SNX10: variants seen among roughly 807,000 people sequenced by gnomAD.
The protein encoded by SNX10 is sorting nexin-10.
In SNX10, 25 loss-of-function variants were observed where a neutral mutation model predicts 28.5. The observed-to-expected ratio is 0.88, with a 90% CI of 0.64 to 1.22. SNX10 has a LOEUF of 1.22. Among genes scored for constraint, SNX10 ranks in the 50% most tolerant of loss-of-function variants. The pLI is 0.00. For missense variants in SNX10, 223 were observed against 242.6 expected (o/e 0.92, Z 0.54); for synonymous variants, 62 against 81.4 (o/e 0.76, Z 1.28).
chr7:26,298,395 T>C (rs2127992728), intron 1 of SNX10, among the ~76,000 whole-genome samples: 1 of 152,320 alleles, frequency 6.6e-6, no homozygotes, highest in South Asian at 2.1e-4. Context: ...ATCAGATAAG[T>C]GTGGATTAAA....
At chr7:26,354,260 T>A (rs1209089210) in intron 2 of SNX10, 1 of 152,260 alleles carries the variant, frequency 6.6e-6, no homozygotes, top group East Asian at 1.9e-4. Context: ...TTCTACGTGC[T>A]TGTTTGCCAT....
At chr7:26,314,001 G>A (rs1039474786) in intron 1 of SNX10, among the ~76,000 whole-genome samples, 10 of 151,914 alleles carry the variant, frequency 6.6e-5, no homozygotes, top group African/African-American at 2.4e-4. Context: ...TAGAGACGGG[G>A]TTTCCCCATG....
At chr7:26,362,690 C>T (rs566354329) in intron 3 of SNX10, among the ~76,000 whole-genome samples, 3 of 152,178 alleles carry the variant, frequency 2.0e-5, no homozygotes, top group Non-Finnish European at 2.9e-5. Context: ...GTTGGCTTCT[C>T]TTAGTTGTTA....
At chr7:26,307,861 ACAGTCTGTAGTTTACCTTCAT>A in intron 1 of SNX10, among the ~76,000 whole-genome samples, 1 of 152,208 alleles carries the variant, frequency 6.6e-6, no homozygotes, top group South Asian at 2.1e-4. Context: ...CCCAAAGTGG[ACAGTCTGTAGTTTACCTTCAT>A]CAGTCTTTTG....
chr7:26,306,641 T>C (rs1436785838), intron 1 of SNX10, among the ~76,000 whole-genome samples: 1 of 152,080 alleles, frequency 6.6e-6, no homozygotes, highest in African/African-American at 2.4e-5. Context: ...GCTCAAGTGA[T>C]CCACCCGCCT....
intron 1 of SNX10, among the ~76,000 whole-genome samples, chr7:26,317,659 C>CT (rs11310428): frequency 0.017 from 1,798 of 106,184 alleles, 30 homozygotes; most frequent in Non-Finnish European, 0.02. Flanking sequence ...CTTCTTTGAT[C>CT]TTTTTTTTTT....
intron 1 of SNX10, among the ~76,000 whole-genome samples, chr7:26,307,080 G>A (rs191530288): frequency 1.3e-5 from 2 of 152,284 alleles, no homozygotes; most frequent in East Asian, 3.9e-4. Context: ...CATGACAGAG[G>A]CACCGTGAAG....
At chr7:26,357,350 A>C (rs1788868416) in intron 2 of SNX10, among the ~76,000 whole-genome samples, 1 of 137,870 alleles carries the variant, frequency 7.3e-6, no homozygotes, top group South Asian at 2.3e-4. Flanking sequence ...AAAAAAAGGC[A>C]GTAGGGTGGC....
At chr7:26,354,919 AT>A (rs548464262) in intron 2 of SNX10, among the ~76,000 whole-genome samples, 44 of 145,198 alleles carry the variant, frequency 3.0e-4, no homozygotes, top group African/African-American at 7.1e-4. Context: ...ATTTTCTTTG[AT>A]TTTTTTTTTT....
At position 26,348,550 on chromosome 7, in the gene SNX10, G is replaced by A. The variant is rs80164373; in HGVS notation, c.24+2084G>A. ...GGGTCCAAGGACAGAGCTTCTGGTC[G>A]TCCTCCCAAAGGAGCCATGGGCGGA... is the stretch of plus-strand genomic sequence containing the variant. On this transcript the variant is annotated intron_variant, in intron 2 of 6. Coordinates refer to ENST00000338523, the MANE Select transcript of SNX10 (RefSeq NM_013322.3). Among the ~76,000 whole-genome samples, 324 of 152,338 alleles carry A rather than the reference G, an allele frequency of 2.1e-3. 2 individuals are homozygous for A. The highest frequency in any genetic ancestry group is 7.2e-3 in the African/African-American group (298 of 41,578).
At chr7:26,335,119 A>C (rs1787875794) in intron 1 of SNX10, among the ~76,000 whole-genome samples, 1 of 152,360 alleles carries the variant, frequency 6.6e-6, no homozygotes, top group African/African-American at 2.4e-5. Context: ...CTGGACACGG[A>C]AGCCACTGGG....
intron 2 of SNX10, among the ~76,000 whole-genome samples, chr7:26,349,251 A>T (rs1406689253): frequency 6.6e-6 from 1 of 152,156 alleles, no homozygotes. Flanking sequence ...GTGAATTGAG[A>T]TTTATTTACC....
chr7:26,316,287 G>C (rs1352426395), intron 1 of SNX10, among the ~76,000 whole-genome samples: 1 of 152,022 alleles, frequency 6.6e-6, no homozygotes, highest in East Asian at 1.9e-4. Flanking sequence ...TAGTAAATTG[G>C]CTTAGAATCA....
rs12537548 is a variant in SNX10 at position 26,346,089 on chromosome 7, T to C, written c.-23-331T>C. 0.076 allele frequency among the ~76,000 whole-genome samples: 11,535 copies of C among 152,232 alleles called. 523 individuals are homozygous for C. The highest frequency in any genetic ancestry group is 0.11 in the Admixed American group (1,674 of 15,282). ...TTTCCAGCCAGCATCCCCCCGCACA[T>C]GGCTTCTGCTCCCCGGCATCTCCAG... is the stretch of plus-strand genomic sequence containing the variant. On this transcript the variant is annotated intron_variant, in intron 1 of 6. Transcript: ENST00000338523.
intron 1 of SNX10, among the ~76,000 whole-genome samples, chr7:26,341,930 C>CCCTTCCCT (rs374896229): frequency 6.8e-6 from 1 of 146,822 alleles, no homozygotes; most frequent in Admixed American, 6.8e-5. Flanking sequence ...TTCTGTCCTT[C>CCCTTCCCT]TCCCTTCCCT....
In SNX10 at chr7:26,326,616, A is replaced by G. The variant is rs538638566; in HGVS notation, c.-23-19804A>G. Among the ~76,000 whole-genome samples, 30 of 152,350 alleles carry G rather than the reference A, an allele frequency of 2.0e-4. 2 individuals are homozygous for G. The South Asian group carries it at 5.6e-3, about 28-fold the overall frequency. On this transcript the variant is annotated intron_variant, in intron 1 of 6. Transcript: ENST00000338523. Reference sequence around the variant, plus strand: ...TCCCAATTCTGTCGCTTAAAGCTATATGACCTTTGACACATTACCTGTTAA... The same window carrying G: ...TCCCAATTCTGTCGCTTAAAGCTATGTGACCTTTGACACATTACCTGTTAA...
intron 1 of SNX10, among the ~76,000 whole-genome samples, chr7:26,342,415 T>C (rs889076587): frequency 3.9e-5 from 6 of 152,224 alleles, no homozygotes; most frequent in Non-Finnish European, 7.3e-5. Flanking sequence ...GCGCTGTCAT[T>C]GAATTTCCTT....
intron 1 of SNX10, among the ~76,000 whole-genome samples, chr7:26,334,412 G>A (rs7793945): frequency 0.14 from 20,777 of 152,118 alleles, 1,706 homozygotes; most frequent in East Asian, 0.34. Context: ...CTTTTATTCT[G>A]TTTAGTAACT....
chr7:26,331,302 C>T (rs754291651), intron 1 of SNX10, among the ~76,000 whole-genome samples: 1 of 152,112 alleles, frequency 6.6e-6, no homozygotes, highest in Non-Finnish European at 1.5e-5. Context: ...AATGTGCATA[C>T]AGGCCGGGCG....
Sources: allele counts gnomAD v4.1 joint callset (sites outside exome capture counted in the v4.1 genomes callset), GRCh38; gene constraint gnomAD v4.1.1; transcripts MANE v1.5; gene names NCBI Gene and HGNC (gene_info 2026-07-23, HGNC 2026-07-21).